RENBP: variants seen among roughly 807,000 people sequenced by gnomAD.
RENBP encodes the protein N-acylglucosamine 2-epimerase.
In RENBP, 16 loss-of-function variants were observed where a neutral mutation model predicts 37.8. That is an observed-to-expected ratio of 0.42 (90% CI 0.29 to 0.64). RENBP has a LOEUF of 0.64. Ranked by LOEUF, RENBP falls within the 30% of genes least tolerant of loss-of-function variation. RENBP has a pLI of 0.19. For missense variants in RENBP, 347 were observed against 379.5 expected (o/e 0.91, Z 0.71); for synonymous variants, 170 against 154.8 (o/e 1.10, Z -0.73).
chrX:153,941,417 C>T lies in RENBP; in HGVS notation c.945+61G>A. ...GGTTACCCTCTAGAGAAGCAACCAC[C>T]TCCCTGGGCAGAAAGCCTTAGAACA... On this transcript the variant is annotated intron_variant, in intron 8 of 10. Transcript: ENST00000393700. 2.6e-6 allele frequency: 3 copies of T among 1,151,596 alleles called. No homozygotes were observed. The South Asian group carries it at 5.6e-5, about 22-fold the overall frequency. 94.9% of individuals were successfully genotyped at this position (1,151,596 alleles called of 1,213,427 possible). A position where few individuals can be genotyped will look rare whatever the true frequency, so the allele number is the denominator to read the frequency against.
intron 9 of RENBP, 90 bp downstream of exon 9, chrX:153,940,012 G>A: frequency 1.9e-6 from 2 of 1,063,533 alleles, no homozygotes; most frequent in Non-Finnish European, 2.6e-6. Context: ...CTGAGCGACT[G>A]TGCTCAGCGA....
Position 153,943,082 on chromosome X carries a change from G to A in RENBP, c.463-3C>T. 5 of 1,140,286 alleles carry A rather than the reference G, an allele frequency of 4.4e-6. No individual in the cohort carries two copies. The highest frequency in any genetic ancestry group is 5.9e-6 in the Non-Finnish European group (5 of 854,443). The allele number at this position is 1,140,286 out of a possible 1,213,427, so 94.0% of individuals were successfully genotyped here. On this transcript the variant is annotated splice_polypyrimidine_tract_variant and splice_region_variant and intron_variant, in intron 5 of 10. Transcript: ENST00000393700. ...TCCATCATCTCCACCGCTTCCGTCTGGGGGTGCAGGAGGCAAGGGGAGGCC... is the reference window on the plus strand; with the variant it reads ...TCCATCATCTCCACCGCTTCCGTCTAGGGGTGCAGGAGGCAAGGGGAGGCC...
At chrX:153,939,983 C>T in intron 9 of RENBP, 119 bp downstream of exon 9, 1 of 932,000 alleles carries the variant, frequency 1.1e-6, no homozygotes, top group Non-Finnish European at 1.5e-6. Flanking sequence ...CACTGGGGCT[C>T]CGGAAACTCT....
intron 9 of RENBP, among the ~76,000 whole-genome samples, 197 bp downstream of exon 9, chrX:153,939,905 C>T (rs2065219012): frequency 9.1e-6 from 1 of 109,579 alleles, no homozygotes. Context: ...CACTCTGCTC[C>T]TCCCGCCCCC....
At chrX:153,938,446 GCAGTAC>G (rs1402723933) in intron 9 of RENBP, among the ~76,000 whole-genome samples, 1 of 112,409 alleles carries the variant, frequency 8.9e-6, no homozygotes, top group Admixed American at 9.4e-5. Context: ...TATAGTCCTC[GCAGTAC>G]CAGGGTTCAC....
intron 9 of RENBP, among the ~76,000 whole-genome samples, chrX:153,936,461 G>A (rs1235380203): frequency 2.1e-5 from 2 of 97,051 alleles, no homozygotes; most frequent in Admixed American, 2.3e-4. Flanking sequence ...AGCCAAGATC[G>A]CGCCACTGCA....
intron 7 of RENBP, 141 bp downstream of exon 7, chrX:153,941,809 A>G: frequency 2.7e-6 from 2 of 737,808 alleles, no homozygotes; most frequent in Admixed American, 2.9e-5. Context: ...CTCTGCAGAA[A>G]CCCCCAGCCT....
chrX:153,941,393 G>A, intron 8 of RENBP, 85 bp downstream of exon 8: 2 of 1,025,004 alleles, frequency 2.0e-6, no homozygotes, highest in East Asian at 6.2e-5. Flanking sequence ...CCAGCCCCAG[G>A]TTACCCTCTA....
At position 153,935,312 on chromosome X, in the gene RENBP, TGGGGGCGGGGGA is replaced by T. The variant is rs782039992; in HGVS notation, c.1246_1257del (p.Ser416_Pro419del). ...TATTCCGCGCCTCGGCAGGCGGGGG[TGGGGGCGGGGGA>T]GGGGGCGGGGGCGGGGCGGCTCAGC... On this transcript the variant is annotated inframe_deletion, in exon 11 of 11. Coordinates refer to ENST00000393700, the MANE Select transcript of RENBP (RefSeq NM_002910.6). 120 of 726,136 alleles carry T rather than the reference TGGGGGCGGGGGA, an allele frequency of 1.7e-4. No individual in the cohort carries two copies. The highest frequency in any genetic ancestry group is 3.3e-4 in the African/African-American group (9 of 26,963). The allele number at this position is 726,136 out of a possible 1,213,427, so 59.8% of individuals were successfully genotyped here.
intron 9 of RENBP, among the ~76,000 whole-genome samples, chrX:153,938,785 T>TTTTG: frequency 1.1e-5 from 1 of 93,356 alleles, no homozygotes; most frequent in Non-Finnish European, 2.0e-5. Context: ...CTGTACTGTT[T>TTTTG]TTTTTTTTTT....
intron 7 of RENBP, 55 bp downstream of exon 7, chrX:153,941,895 C>G: frequency 1.9e-6 from 2 of 1,048,380 alleles, no homozygotes; most frequent in Admixed American, 2.2e-5. Context: ...GCCCAGAACA[C>G]AAGGCTCAGC....
chrX:153,936,601 G>A, intron 9 of RENBP, among the ~76,000 whole-genome samples: 1 of 110,823 alleles, frequency 9.0e-6, no homozygotes, highest in Non-Finnish European at 1.9e-5. Context: ...CTCCCTTGGA[G>A]CTCCCATTCC....
At chrX:153,943,154 G>C in intron 5 of RENBP, 75 bp from the exon 6 acceptor site, 2 of 801,519 alleles carry the variant, frequency 2.5e-6, no homozygotes, top group Non-Finnish European at 3.4e-6. Flanking sequence ...ACGGCCCTGG[G>C]GTGGGAGAGC....
chrX:153,936,149 GAACA>G (rs72062395), intron 9 of RENBP: 3,600 of 112,897 alleles, frequency 0.032, 150 homozygotes, highest in African/African-American at 0.11. Flanking sequence ...ACAAACAAAC[GAACA>G]AACAAACAAA....
chrX:153,941,925 G>GCCGCCC, intron 7 of RENBP, 25 bp downstream of exon 7: 26 of 708,466 alleles, frequency 3.7e-5, no homozygotes, highest in Non-Finnish European at 5.7e-5. Flanking sequence ...CTCCTGGGTG[G>GCCGCCC]CCCCCAGCCC....
intron 9 of RENBP, chrX:153,936,948 G>A (rs1440840367): frequency 8.9e-6 from 1 of 112,084 alleles, no homozygotes; most frequent in Non-Finnish European, 1.9e-5. Flanking sequence ...TATAATCCCA[G>A]CACTTTGAGA....
In RENBP at chrX:153,941,948, A is replaced by ACC; in HGVS notation, c.769_769+1dup. 7.5e-6 allele frequency: 3 copies of ACC among 401,036 alleles called. No individual in the cohort carries two copies. Among genetic ancestry groups the ACC allele is most frequent in the Non-Finnish European group, 1.2e-5 (3 of 244,748 alleles). The allele number at this position is 401,036 out of a possible 1,213,427, so 33.0% of individuals were successfully genotyped here. A position where few individuals can be genotyped will look rare whatever the true frequency, so the allele number is the denominator to read the frequency against. ...TGGCCCCCAGCCCACCCCGCCCCTC[A>ACC]CCTGGGTTCTGCTGTCTCCCCAGGC... On this transcript the variant is annotated splice_donor_variant, in intron 7 of 10. Coordinates refer to ENST00000393700, the MANE Select transcript of RENBP (RefSeq NM_002910.6). LOFTEE classifies it high-confidence loss of function.
intron 5 of RENBP, 91 bp downstream of exon 5, chrX:153,943,455 G>A: frequency 1.0e-6 from 1 of 953,061 alleles, no homozygotes; most frequent in African/African-American, 1.9e-5. Flanking sequence ...TGGGTCCATG[G>A]GAGGGGACTT....
In RENBP at chrX:153,940,037, A is replaced by G. The variant is rs934939248; in HGVS notation, c.1077+65T>C. The G allele has an allele frequency of 1.0e-5, 12 of 1,171,880 alleles. No individual in the cohort carries two copies. The Admixed American group carries it at 1.1e-4, about 11-fold the overall frequency. ...GTGCTCAGCGAGGGGGCAAGAGCGCAGCCGGGCCAGACTCCCCCCATTCCC... is the reference window on the plus strand; with the variant it reads ...GTGCTCAGCGAGGGGGCAAGAGCGCGGCCGGGCCAGACTCCCCCCATTCCC... On this transcript the variant is annotated intron_variant, in intron 9 of 10. Coordinates refer to ENST00000393700, the MANE Select transcript of RENBP (RefSeq NM_002910.6).
Sources: allele counts gnomAD v4.1 joint callset (sites outside exome capture counted in the v4.1 genomes callset), GRCh38; gene constraint gnomAD v4.1.1; transcripts MANE v1.5; gene names NCBI Gene and HGNC (gene_info 2026-07-23, HGNC 2026-07-21).